The following GSE1 variants were observed in gnomAD, a reference collection of about 807,000 sequenced individuals.
The protein encoded by GSE1 is Gse1 coiled-coil protein, also known as genetic suppressor element 1.
GSE1 carries 32 observed loss-of-function variants against 112.6 expected under a neutral mutation model. That is an observed-to-expected ratio of 0.28 (90% CI 0.21 to 0.38). The LOEUF is 0.38. Among genes scored for constraint, GSE1 ranks in the 10% least tolerant of loss-of-function variants. GSE1 has a pLI of 1.00. For missense variants in GSE1, 2,348 were observed against 1,699.2 expected (o/e 1.38, Z -6.71); for synonymous variants, 1,115 against 735.6 (o/e 1.52, Z -8.35).
intron 2 of GSE1, among the ~76,000 whole-genome samples, chr16:85,507,314 C>CG (rs1247190996): frequency 6.6e-6 from 1 of 152,136 alleles, no homozygotes; most frequent in African/African-American, 2.4e-5. Context: ...GGAAACTGAG[C>CG]GGGGGGCTGT....
In GSE1 at chr16:85,666,598, G is replaced by A. The variant is rs936171232; in HGVS notation, c.3130+251G>A. ...CTGACGCTGTGCTGTGAGCAGGGACGCATCGATCGGTAAGAGGTAAAGGAG... is the reference window on the plus strand; with the variant it reads ...CTGACGCTGTGCTGTGAGCAGGGACACATCGATCGGTAAGAGGTAAAGGAG... On this transcript the variant is annotated intron_variant, in intron 13 of 15. Transcript: ENST00000253458. The A allele has an allele frequency of 1.3e-4, 71 of 534,948 alleles. 1 individual carries two copies. The highest frequency in any genetic ancestry group is 5.0e-4 in the Middle Eastern group (1 of 1,994). 33.1% of individuals were successfully genotyped at this position (534,948 alleles called of 1,614,324 possible). A position where few individuals can be genotyped will look rare whatever the true frequency, so the allele number is the denominator to read the frequency against.
chr16:85,646,792 G>T (rs1311847035), intron 2 of GSE1, among the ~76,000 whole-genome samples: 1 of 151,790 alleles, frequency 6.6e-6, no homozygotes, highest in Admixed American at 6.6e-5. Flanking sequence ...TGACCCCCAG[G>T]CAGCAGAGCT....
chr16:85,193,827 C>G (rs2074874854), intron 1 of GSE1, among the ~76,000 whole-genome samples: 1 of 152,214 alleles, frequency 6.6e-6, no homozygotes, highest in South Asian at 2.1e-4. Context: ...TAATGAAGAG[C>G]CAGTGTACCC....
At chr16:85,590,190 A>G (rs1346480994) in intron 1 of GSE1, among the ~76,000 whole-genome samples, 1 of 151,522 alleles carries the variant, frequency 6.6e-6, no homozygotes, top group Non-Finnish European at 1.5e-5. Flanking sequence ...ATGTCACTGA[A>G]TGAATGTGTG....
chr16:85,201,110 T>A (rs1029915405), intron 1 of GSE1, among the ~76,000 whole-genome samples: 1 of 152,204 alleles, frequency 6.6e-6, no homozygotes, highest in Non-Finnish European at 1.5e-5. Context: ...TCTTGCTCTG[T>A]TGCCCAGGCT....
intron 1 of GSE1, among the ~76,000 whole-genome samples, chr16:85,345,378 G>A (rs2046712966): frequency 6.6e-6 from 1 of 152,202 alleles, no homozygotes; most frequent in African/African-American, 2.4e-5. Flanking sequence ...GGTTTTGACA[G>A]AGACCATTCA....
In GSE1 at chr16:85,561,454, G is replaced by A. The variant is rs1420721619; in HGVS notation, c.37+5091G>A. 3.9e-5 allele frequency among the ~76,000 whole-genome samples: 6 copies of A among 152,214 alleles called. No individual in the cohort carries two copies. The East Asian group carries it at 1.2e-3, about 30-fold the overall frequency. On this transcript the variant is annotated intron_variant, in intron 1 of 2. Transcript: ENST00000635906. ...ATCTGGTTCCTGTCGTTTCTGGAGG[G>A]AGGACTGACTCCTCAGCCATCAGCT...
At chr16:85,323,818 C>T (rs2046168116) in intron 1 of GSE1, among the ~76,000 whole-genome samples, 1 of 152,184 alleles carries the variant, frequency 6.6e-6, no homozygotes. Flanking sequence ...GAGGAGTTCC[C>T]CCTTAGATGA....
chr16:85,211,002 G>A (rs1287666511), intron 1 of GSE1, among the ~76,000 whole-genome samples: 6 of 152,232 alleles, frequency 3.9e-5, no homozygotes, highest in African/African-American at 1.4e-4. Flanking sequence ...TTTCACAGGT[G>A]AGGACTGTGC....
chr16:85,407,971 C>G (rs1176024566), intron 2 of GSE1, among the ~76,000 whole-genome samples: 1 of 52,298 alleles, frequency 1.9e-5, no homozygotes, highest in Non-Finnish European at 4.1e-5. Flanking sequence ...CAGGGTCCCT[C>G]TGATAATCCT....
intron 1 of GSE1, among the ~76,000 whole-genome samples, chr16:85,627,135 T>C (rs2049148816): frequency 1.7e-5 from 2 of 116,608 alleles, no homozygotes; most frequent in African/African-American, 3.4e-5. Context: ...GGAGAAAGTA[T>C]TGATTCAAGA....
At chr16:85,644,145 C>T (rs962538846) in intron 2 of GSE1, among the ~76,000 whole-genome samples, 9 of 151,910 alleles carry the variant, frequency 5.9e-5, no homozygotes, top group African/African-American at 1.9e-4. Flanking sequence ...CTGGGCACCA[C>T]AGCGAGACCC....
At chr16:85,337,257 G>A (rs1010524585) in intron 1 of GSE1, among the ~76,000 whole-genome samples, 1 of 151,426 alleles carries the variant, frequency 6.6e-6, no homozygotes, top group Admixed American at 6.6e-5. Flanking sequence ...GGACAGGCCT[G>A]AGGGGAGGCC....
At chr16:85,170,870 T>C in exon 1 of GSE1, 1 of 985,512 alleles carries the variant, frequency 1.0e-6, no homozygotes. Flanking sequence ...CGACTCTATG[T>C]GGTGCCCCTG....
intron 12 of GSE1, among the ~76,000 whole-genome samples, chr16:85,665,719 G>A (rs1189196132): frequency 6.6e-6 from 1 of 152,232 alleles, no homozygotes; most frequent in Non-Finnish European, 1.5e-5. Context: ...TGCCTCCGTG[G>A]CTGGGGGACT....
intron 1 of GSE1, among the ~76,000 whole-genome samples, chr16:85,236,710 C>A (rs1304484001): frequency 6.6e-6 from 1 of 152,156 alleles, no homozygotes; most frequent in Non-Finnish European, 1.5e-5. Flanking sequence ...AGGAGAGTGG[C>A]CTGTGGAGTC....
At chr16:85,515,349 T>TCTGGCCTGGG (rs575969935) in intron 2 of GSE1, among the ~76,000 whole-genome samples, 161 of 152,332 alleles carry the variant, frequency 1.1e-3, no homozygotes, top group African/African-American at 3.8e-3. Context: ...CCTGCCAGCC[T>TCTGGCCTGGG]CCTGGGCCGT....
intron 1 of GSE1, among the ~76,000 whole-genome samples, chr16:85,250,459 G>T (rs8060007): frequency 6.6e-6 from 1 of 152,010 alleles, no homozygotes; most frequent in Non-Finnish European, 1.5e-5. Flanking sequence ...GGGCGGAGGC[G>T]CCAGGGCCAG....
At chr16:85,533,078 G>A (rs2044188684) in intron 2 of GSE1, among the ~76,000 whole-genome samples, 1 of 152,194 alleles carries the variant, frequency 6.6e-6, no homozygotes, top group Admixed American at 6.5e-5. Context: ...AGTGGGCTCT[G>A]GAAGAAAATG....
Sources: gnomAD v4.1 joint callset for allele counts (sites outside exome capture counted in the v4.1 genomes callset) on GRCh38, gnomAD v4.1.1 for gene constraint, MANE v1.5 for transcripts, NCBI Gene and HGNC (gene_info 2026-07-23, HGNC 2026-07-21) for gene names.